TRIO: variants seen among roughly 807,000 people sequenced by gnomAD.
TRIO encodes the protein trio Rho guanine nucleotide exchange factor.
In TRIO, 58 loss-of-function variants were observed where a neutral mutation model predicts 351.9. The ratio of observed to expected loss-of-function variants is 0.16; its 90% CI spans 0.13 to 0.21. The LOEUF (loss-of-function observed/expected upper bound fraction) is 0.21. Ranked by LOEUF, TRIO falls within the 10% of genes least tolerant of loss-of-function variation. TRIO has a pLI of 1.00. For missense variants in TRIO, 3,201 were observed against 4,027.8 expected (o/e 0.79, Z 5.56); for synonymous variants, 1,758 against 1,595.7 (o/e 1.10, Z -2.42).
chr5:14,194,234 ATTATT>A (rs1177491564), intron 1 of TRIO, among the ~76,000 whole-genome samples: 1 of 152,162 alleles, frequency 6.6e-6, no homozygotes, highest in African/African-American at 2.4e-5. Flanking sequence ...TCGGATTCAT[ATTATT>A]TTGTCTTACA....
intron 34 of TRIO, among the ~76,000 whole-genome samples, chr5:14,433,506 T>C (rs549343302): frequency 6.6e-5 from 10 of 152,266 alleles, no homozygotes; most frequent in African/African-American, 7.2e-5. Flanking sequence ...TGTGGACATA[T>C]TGTGCAGAGC....
chr5:14,300,984 G>A (rs988395254), intron 7 of TRIO, among the ~76,000 whole-genome samples: 2 of 152,144 alleles, frequency 1.3e-5, no homozygotes, highest in African/African-American at 2.4e-5. Context: ...AAGAGGTGGC[G>A]GGGGTGAGAG....
chr5:14,218,067 G>A (rs1007939281), intron 1 of TRIO, among the ~76,000 whole-genome samples: 2 of 152,098 alleles, frequency 1.3e-5, no homozygotes, highest in South Asian at 2.1e-4. Context: ...GTGTGTGTTG[G>A]GGGGAGAGTC....
At chr5:14,306,873 C>T (rs1738419475) in intron 8 of TRIO, among the ~76,000 whole-genome samples, 2 of 152,102 alleles carry the variant, frequency 1.3e-5, no homozygotes, top group African/African-American at 4.8e-5. Flanking sequence ...CTTATGTTTA[C>T]CTGTGGTATA....
At chr5:14,432,467 C>CT (rs1227885204) in intron 34 of TRIO, among the ~76,000 whole-genome samples, 1 of 152,228 alleles carries the variant, frequency 6.6e-6, no homozygotes, top group African/African-American at 2.4e-5. Flanking sequence ...TGCACTCTGG[C>CT]TTTGCCCATT....
chr5:14,400,912 T>A, intron 30 of TRIO, 51 bp from the exon 31 acceptor site: 1 of 1,567,200 alleles, frequency 6.4e-7, no homozygotes, highest in Non-Finnish European at 8.8e-7. Context: ...CTGTTCTGCA[T>A]CCTTCTAGAA....
At chr5:14,316,369 A>G (rs1483041285) in intron 8 of TRIO, 144 bp from the exon 9 acceptor site, 8 of 784,840 alleles carry the variant, frequency 1.0e-5, no homozygotes, top group Admixed American at 2.7e-5. Context: ...TGGTGTGTGA[A>G]TGAATGTCTG....
Position 14,144,077 on chromosome 5 carries a change from C to T in TRIO, c.157+195C>T, listed in dbSNP as rs375721801. 2.0e-5 allele frequency among the ~76,000 whole-genome samples: 3 copies of T among 152,106 alleles called. No individual in the cohort carries two copies. In the South Asian group the frequency reaches 6.2e-4, roughly 31 times the overall value. On this transcript the variant is annotated intron_variant, in intron 1 of 56. Transcript: ENST00000344204. The stretch of plus-strand genomic sequence containing the variant: ...CCCCACATCCGCGTGTCCCGCTGCC[C>T]GCGCAGCCGGGCGCGCGGCAGCTTG...
At chr5:14,420,691 C>T (rs1443614066) in intron 34 of TRIO, 2 of 152,848 alleles carry the variant, frequency 1.3e-5, no homozygotes, top group East Asian at 3.8e-4. Flanking sequence ...GAGATCTGAG[C>T]CATGCTGGCT....
rs1005374274 is a variant in TRIO, at chr5:14,507,392, G to A, written c.8751+132G>A. On this transcript the variant is annotated intron_variant, in intron 56 of 56. Coordinates refer to ENST00000344204, the MANE Select transcript of TRIO (RefSeq NM_007118.4). ...GGACAAAAAGGGTGGGTGGGGCAGCGCAGACACTGATTGCTAATCTCTCTC... is the reference window on the plus strand; with the variant it reads ...GGACAAAAAGGGTGGGTGGGGCAGCACAGACACTGATTGCTAATCTCTCTC... 38 of 1,286,954 alleles carry A rather than the reference G, an allele frequency of 3.0e-5. No individual in the cohort carries two copies. The African/African-American group carries it at 3.7e-4, about 12-fold the overall frequency. 79.7% of individuals were successfully genotyped at this position (1,286,954 alleles called of 1,614,324 possible).
intron 34 of TRIO, chr5:14,420,848 A>G (rs1750060798): frequency 6.6e-6 from 1 of 152,264 alleles, no homozygotes; most frequent in South Asian, 2.1e-4. Context: ...CATGCCTCAA[A>G]TAACACTTGT....
chr5:14,419,140 C>T (rs560102945), intron 33 of TRIO, among the ~76,000 whole-genome samples: 4 of 152,270 alleles, frequency 2.6e-5, no homozygotes, highest in Admixed American at 2.6e-4. Context: ...CCGATGTCTG[C>T]AGAGCCTGTG....
chr5:14,295,642 A>G (rs1385919063), intron 6 of TRIO, among the ~76,000 whole-genome samples: 1 of 152,234 alleles, frequency 6.6e-6, no homozygotes, highest in Non-Finnish European at 1.5e-5. Flanking sequence ...GATATAGAGA[A>G]AGCAAAATTA....
At chr5:14,507,027 A>C in intron 55 of TRIO, 95 bp from the exon 56 acceptor site, 1 of 1,440,650 alleles carries the variant, frequency 6.9e-7, no homozygotes, top group Non-Finnish European at 9.1e-7. Context: ...CACATTCATA[A>C]CAGGTGACAG....
chr5:14,370,770 C>G (rs948723090), intron 18 of TRIO, among the ~76,000 whole-genome samples: 1 of 152,198 alleles, frequency 6.6e-6, no homozygotes, highest in African/African-American at 2.4e-5. Flanking sequence ...CCCAACATGT[C>G]CCTACTGCTT....
chr5:14,322,879 T>C (rs1443103532), intron 9 of TRIO, among the ~76,000 whole-genome samples: 4 of 152,172 alleles, frequency 2.6e-5, no homozygotes, highest in Non-Finnish European at 5.9e-5. Context: ...AGGCACAGGC[T>C]TGGTTTTGGA....
chr5:14,227,528 T>C (rs577299483), intron 1 of TRIO, among the ~76,000 whole-genome samples: 1 of 152,354 alleles, frequency 6.6e-6, no homozygotes, highest in African/African-American at 2.4e-5. Context: ...AGTACTTTCT[T>C]AGTTATCTAT....
intron 34 of TRIO, among the ~76,000 whole-genome samples, chr5:14,457,792 C>T (rs1231106421): frequency 1.3e-5 from 2 of 152,124 alleles, no homozygotes; most frequent in Non-Finnish European, 2.9e-5. Flanking sequence ...TCCGAGAGCA[C>T]GCCTGCTTCT....
rs1353371712 is a variant in TRIO at position 14,358,363 on chromosome 5, C to T, written c.2216+16C>T. The T allele has an allele frequency of 5.6e-6, 9 of 1,613,096 alleles. No homozygotes were observed. The South Asian group carries it at 9.9e-5, about 18-fold the overall frequency. On this transcript the variant is annotated intron_variant, in intron 12 of 56. Coordinates refer to ENST00000344204, the MANE Select transcript of TRIO (RefSeq NM_007118.4). ...AGCAGCTCAGGTGGGCCTCACCCCT[C>T]TCCTGGTCCGAACAGATTCTGAAAC...
Sources: gnomAD v4.1 joint callset for allele counts (sites outside exome capture counted in the v4.1 genomes callset) on GRCh38, gnomAD v4.1.1 for gene constraint, MANE v1.5 for transcripts, NCBI Gene and HGNC (gene_info 2026-07-23, HGNC 2026-07-21) for gene names.